ANKIB1: variants seen among roughly 807,000 people sequenced by gnomAD.
The protein encoded by ANKIB1 is ankyrin repeat and IBR domain-containing protein 1.
A neutral mutation model predicts 122.1 loss-of-function variants in ANKIB1; 43 were observed. That is an observed-to-expected ratio of 0.35 (90% confidence interval 0.28 to 0.45). The LOEUF is 0.45. ANKIB1 is among the 20% of genes least tolerant of loss of function. The pLI, the probability that ANKIB1 is intolerant of heterozygous loss-of-function variation, is 1.00. For missense variants in ANKIB1, 992 were observed against 1,329.5 expected (o/e 0.75, Z 3.95); for synonymous variants, 390 against 442.0 (o/e 0.88, Z 1.48).
intron 1 of ANKIB1, among the ~76,000 whole-genome samples, chr7:92,271,927 A>G (rs1801803136): frequency 6.6e-6 from 1 of 152,234 alleles, no homozygotes; most frequent in Non-Finnish European, 1.5e-5. Flanking sequence ...GAACTGAATG[A>G]AGGAGCTGGA....
At chr7:92,275,365 A>C (rs1801879914) in intron 1 of ANKIB1, among the ~76,000 whole-genome samples, 1 of 152,202 alleles carries the variant, frequency 6.6e-6, no homozygotes, top group Non-Finnish European at 1.5e-5. Context: ...ACAGATGTTT[A>C]AAAAGTATTG....
At chr7:92,361,967 G>A (rs1585126082) in intron 9 of ANKIB1, among the ~76,000 whole-genome samples, 3 of 151,964 alleles carry the variant, frequency 2.0e-5, no homozygotes, top group South Asian at 2.1e-4. Flanking sequence ...GTGCCACCAC[G>A]CCCGACTAAT....
In ANKIB1 at chr7:92,398,411, G is replaced by A; in HGVS notation, c.2732G>A (p.Ser911Asn). ...RNTDSPRAAL[S>N]SSELLELGDS... ...ACAGATAGCCCTCGGGCTGCATTGA[G>A]CAGCTCTGAGCTTTTGGAACTTGGT... The change falls in exon 20 of 20, where the codon AGC becomes AAC. Residue 911 changes from serine to asparagine, a missense_variant. Transcript: ENST00000265742. The A allele has an allele frequency of 6.2e-7, 1 of 1,613,596 alleles. No homozygotes were observed. The highest frequency in any genetic ancestry group is 8.5e-7 in the Non-Finnish European group (1 of 1,179,710).
chr7:92,265,889 C>T (rs183602838), intron 1 of ANKIB1, among the ~76,000 whole-genome samples: 1 of 152,280 alleles, frequency 6.6e-6, no homozygotes, highest in African/African-American at 2.4e-5. Context: ...GGCACTGTTA[C>T]AGGAGTCCGG....
chr7:92,348,789 G>GA (rs930402011), intron 7 of ANKIB1, among the ~76,000 whole-genome samples: 4 of 151,232 alleles, frequency 2.6e-5, no homozygotes, highest in Non-Finnish European at 4.4e-5. Context: ...AATGCCAAGG[G>GA]AAAAAAAAAG....
intron 5 of ANKIB1, among the ~76,000 whole-genome samples, chr7:92,338,427 AT>A (rs1186882180): frequency 6.6e-6 from 1 of 151,756 alleles, no homozygotes; most frequent in Non-Finnish European, 1.5e-5. Flanking sequence ...TCAAAAAAAA[AT>A]AAAAATTAAA....
At chr7:92,370,912 G>A (rs989930476) in intron 10 of ANKIB1, among the ~76,000 whole-genome samples, 1 of 152,220 alleles carries the variant, frequency 6.6e-6, no homozygotes, top group African/African-American at 2.4e-5. Context: ...AACTGGGAAT[G>A]GAGAGGAACC....
chr7:92,263,821 TC>T (rs1411172306), intron 1 of ANKIB1, among the ~76,000 whole-genome samples: 1 of 152,184 alleles, frequency 6.6e-6, no homozygotes, highest in Non-Finnish European at 1.5e-5. Context: ...TGAGCACACT[TC>T]CCAGAATATC....
intron 5 of ANKIB1, among the ~76,000 whole-genome samples, chr7:92,332,463 G>A (rs947055684): frequency 6.6e-6 from 1 of 152,116 alleles, no homozygotes; most frequent in Non-Finnish European, 1.5e-5. Flanking sequence ...TAAGCAGACG[G>A]CATAAATATT....
At chr7:92,267,642 A>G (rs1392027293) in intron 1 of ANKIB1, among the ~76,000 whole-genome samples, 1 of 152,182 alleles carries the variant, frequency 6.6e-6, no homozygotes, top group Non-Finnish European at 1.5e-5. Flanking sequence ...TTTACCTTTC[A>G]CATATACATC....
At chr7:92,265,266 C>G (rs767540086) in intron 1 of ANKIB1, among the ~76,000 whole-genome samples, 4 of 152,016 alleles carry the variant, frequency 2.6e-5, no homozygotes, top group African/African-American at 7.3e-5. Flanking sequence ...AACTGCTACC[C>G]CTAGTGAAGG....
chr7:92,388,664 G>A (rs1345572535), intron 14 of ANKIB1, among the ~76,000 whole-genome samples: 4 of 152,110 alleles, frequency 2.6e-5, no homozygotes, highest in Admixed American at 2.6e-4. Context: ...TGGTATGTTT[G>A]TTTTAAAAAG....
rs972996527 is a variant in ANKIB1 at position 92,248,960 on chromosome 7, T to G, written c.-91+2441T>G. The stretch of plus-strand genomic sequence containing the variant: ...TGGAGTGCAGTGGTGTGATCTTAGC[T>G]CAGTACAACCTCCGCCTCCTGGGGT... On this transcript the variant is annotated intron_variant, in intron 1 of 19. Transcript: ENST00000265742. Among the ~76,000 whole-genome samples the G allele has an allele frequency of 2.7e-5, 4 of 148,086 alleles. No individual in the cohort carries two copies. In the Admixed American group the frequency reaches 2.8e-4, roughly 10 times the overall value.
chr7:92,388,444 G>C (rs1313593248), intron 14 of ANKIB1, among the ~76,000 whole-genome samples: 2 of 152,216 alleles, frequency 1.3e-5, no homozygotes, highest in African/African-American at 2.4e-5. Flanking sequence ...AAATTTAACA[G>C]AGTGCCTAAG....
At chr7:92,317,324 G>C (rs1295888901) in intron 3 of ANKIB1, among the ~76,000 whole-genome samples, 2 of 152,108 alleles carry the variant, frequency 1.3e-5, no homozygotes, top group Non-Finnish European at 2.9e-5. Context: ...GGAGGGGTTT[G>C]GGGATGAGGC....
intron 1 of ANKIB1, among the ~76,000 whole-genome samples, chr7:92,273,381 A>G (rs1006578584): frequency 6.6e-6 from 1 of 152,202 alleles, no homozygotes; most frequent in Non-Finnish European, 1.5e-5. Context: ...TTCCACTTTC[A>G]GCTTTGTCCT....
intron 11 of ANKIB1, among the ~76,000 whole-genome samples, chr7:92,381,347 C>A (rs1033387077): frequency 5.3e-5 from 8 of 152,126 alleles, no homozygotes; most frequent in African/African-American, 1.9e-4. Context: ...CCTTCCCCAA[C>A]CTAGCAAGTC....
intron 1 of ANKIB1, among the ~76,000 whole-genome samples, chr7:92,246,921 G>A (rs545221671): frequency 1.2e-4 from 18 of 152,212 alleles, no homozygotes; most frequent in African/African-American, 4.3e-4. Flanking sequence ...AAAGTGCTCT[G>A]CAGGGCTGTG....
chr7:92,297,983 C>G (rs1443769563), intron 2 of ANKIB1, among the ~76,000 whole-genome samples: 1 of 152,150 alleles, frequency 6.6e-6, no homozygotes, highest in Non-Finnish European at 1.5e-5. Flanking sequence ...TCTCTCTTCT[C>G]TAATTACCTG....
Sources: allele counts gnomAD v4.1 joint callset (sites outside exome capture counted in the v4.1 genomes callset), GRCh38; gene constraint gnomAD v4.1.1; transcripts MANE v1.5; gene names NCBI Gene and HGNC (gene_info 2026-07-23, HGNC 2026-07-21).